LRRC8C: variants seen among roughly 807,000 people sequenced by gnomAD.
LRRC8C encodes volume-regulated anion channel subunit LRRC8C.
A neutral mutation model predicts 55.3 loss-of-function variants in LRRC8C; 20 were observed. That is an observed-to-expected ratio of 0.36 (90% CI 0.25 to 0.53). The LOEUF (loss-of-function observed/expected upper bound fraction) is 0.53. Ranked by LOEUF, LRRC8C falls within the 20% of genes least tolerant of loss-of-function variation. The pLI, the probability that LRRC8C is intolerant of heterozygous loss-of-function variation, is 0.92. For synonymous variants in LRRC8C, 376 were observed against 360.7 expected (o/e 1.04, Z -0.48); for missense variants, 659 against 951.4 (o/e 0.69, Z 4.04).
intron 1 of LRRC8C, among the ~76,000 whole-genome samples, chr1:89,635,148 C>T (rs957539661): frequency 1.3e-5 from 2 of 152,066 alleles, no homozygotes; most frequent in African/African-American, 2.4e-5. Context: ...GAAAATGTTG[C>T]ACTTTATTTC....
In LRRC8C at chr1:89,696,339, C is replaced by T. The variant is rs552905704; in HGVS notation, c.138+9728C>T. ...CTTTGCCTAAGCTCTGAAAAATCTA[C>T]GTACCTGCAAAAAAAGTGGGGGTGT... On this transcript the variant is annotated intron_variant, in intron 2 of 2. Transcript: ENST00000370454. Among the ~76,000 whole-genome samples the T allele has an allele frequency of 6.4e-4, 98 of 152,194 alleles. 1 individual carries two copies. In the Middle Eastern group the frequency reaches 0.01, roughly 16 times the overall value.
rs767472923 is a variant in LRRC8C at position 89,678,405 on chromosome 1, A to G, written c.-4-8065A>G. On this transcript the variant is annotated intron_variant, in intron 1 of 2. Coordinates refer to ENST00000370454, the MANE Select transcript of LRRC8C (RefSeq NM_032270.5). ...TCTTGTGGAAGTAGAGATGCAATACATCAAGAAACACAAGGCCGGGCATGG... is the reference window on the plus strand; with the variant it reads ...TCTTGTGGAAGTAGAGATGCAATACGTCAAGAAACACAAGGCCGGGCATGG... 1.7e-3 allele frequency among the ~76,000 whole-genome samples: 257 copies of G among 152,368 alleles called. 1 individual carries two copies. The highest frequency in any genetic ancestry group is 2.4e-3 in the Non-Finnish European group (161 of 68,040).
chr1:89,635,061 C>G (rs1656239825), intron 1 of LRRC8C, among the ~76,000 whole-genome samples: 1 of 152,106 alleles, frequency 6.6e-6, no homozygotes, highest in Non-Finnish European at 1.5e-5. Context: ...TCAGATTAAG[C>G]ACTTTAATGA....
At chr1:89,636,424 G>A (rs771230722) in intron 1 of LRRC8C, among the ~76,000 whole-genome samples, 3 of 152,148 alleles carry the variant, frequency 2.0e-5, no homozygotes, top group Non-Finnish European at 2.9e-5. Flanking sequence ...GTTGTCTTGA[G>A]TCAGAAACAT....
At chr1:89,706,647 C>G (rs1658489743) in intron 2 of LRRC8C, among the ~76,000 whole-genome samples, 2 of 152,158 alleles carry the variant, frequency 1.3e-5, no homozygotes, top group African/African-American at 4.8e-5. Flanking sequence ...CAGTGCATCT[C>G]TAAATCTGAT....
At chr1:89,696,550 A>G (rs887749337) in intron 2 of LRRC8C, among the ~76,000 whole-genome samples, 4 of 152,152 alleles carry the variant, frequency 2.6e-5, no homozygotes, top group African/African-American at 9.7e-5. Context: ...GATTCTTCCT[A>G]AAGGTCATCT....
At position 89,719,164 on chromosome 1, in the gene LRRC8C, G is replaced by T. The variant is rs891006535; in HGVS notation, c.*4182G>T. The stretch of plus-strand genomic sequence containing the variant: ...TTTATCAGAATACCTTGAAAGGGGG[G>T]TATATAAATTTGGAAAACTTAATTT... On this transcript the variant is annotated 3_prime_UTR_variant, in exon 3 of 3. Transcript: ENST00000370454. The T allele has an allele frequency of 6.6e-6, 1 of 152,150 alleles. No individual in the cohort carries two copies. Among genetic ancestry groups the T allele is most frequent in the Non-Finnish European group, 1.5e-5 (1 of 68,010 alleles). The allele number at this position is 152,150 out of a possible 1,614,324, so 9.4% of individuals were successfully genotyped here. A position where few individuals can be genotyped will look rare whatever the true frequency, so the allele number is the denominator to read the frequency against.
At chr1:89,623,274 T>A in the LRRC8C span, among the ~76,000 whole-genome samples, 1 of 152,198 alleles carries the variant, frequency 6.6e-6, no homozygotes, top group Non-Finnish European at 1.5e-5. Context: ...TAAAATAGAA[T>A]ATAAAATATT....
chr1:89,662,341 G>C (rs1238434656), intron 1 of LRRC8C, among the ~76,000 whole-genome samples: 1 of 152,136 alleles, frequency 6.6e-6, no homozygotes, highest in Non-Finnish European at 1.5e-5. Flanking sequence ...GACTGGTGTG[G>C]GGTGGGAGTG....
chr1:89,651,062 C>T (rs1656760527), intron 1 of LRRC8C, among the ~76,000 whole-genome samples: 6 of 152,106 alleles, frequency 3.9e-5, no homozygotes, highest in Admixed American at 3.9e-4. Flanking sequence ...GTAACAATAG[C>T]ATATATGCCA....
chr1:89,711,320 C>T (rs1658642333), intron 2 of LRRC8C, among the ~76,000 whole-genome samples: 1 of 152,230 alleles, frequency 6.6e-6, no homozygotes, highest in African/African-American at 2.4e-5. Flanking sequence ...AGCTCGTGGT[C>T]ACCTTACTAT....
intron 2 of LRRC8C, chr1:89,706,167 T>C (rs1045665291): frequency 8.6e-6 from 3 of 349,592 alleles, no homozygotes; most frequent in East Asian, 8.1e-5. Context: ...ATCCCAAATA[T>C]AACAACTGAC....
At chr1:89,670,214 G>A (rs911354039) in intron 1 of LRRC8C, among the ~76,000 whole-genome samples, 7 of 151,980 alleles carry the variant, frequency 4.6e-5, no homozygotes, top group South Asian at 2.1e-4. Context: ...TATTTAATCC[G>A]TTTACATGCT....
At chr1:89,620,995 G>A in the LRRC8C span, among the ~76,000 whole-genome samples, 1 of 152,114 alleles carries the variant, frequency 6.6e-6, no homozygotes, top group East Asian at 1.9e-4. Context: ...ATTTGTCTTC[G>A]GTAGCCAGGA....
At chr1:89,686,914 A>G (rs1402263653) in intron 2 of LRRC8C, among the ~76,000 whole-genome samples, 1 of 152,246 alleles carries the variant, frequency 6.6e-6, no homozygotes, top group Non-Finnish European at 1.5e-5. Flanking sequence ...TCACAGTGAA[A>G]TGTAACATAT....
At chr1:89,661,691 A>G (rs927929899) in intron 1 of LRRC8C, among the ~76,000 whole-genome samples, 3 of 152,216 alleles carry the variant, frequency 2.0e-5, no homozygotes, top group African/African-American at 7.2e-5. Context: ...CTTGCATTCA[A>G]GTGGGAGGAG....
intron 2 of LRRC8C, among the ~76,000 whole-genome samples, chr1:89,708,005 A>G (rs1658533686): frequency 6.6e-6 from 1 of 152,122 alleles, no homozygotes; most frequent in African/African-American, 2.4e-5. Context: ...GAGAATTCTT[A>G]TAGCAGCTTT....
chr1:89,638,570 G>C (rs1656359697), intron 1 of LRRC8C, among the ~76,000 whole-genome samples: 1 of 152,056 alleles, frequency 6.6e-6, no homozygotes, highest in Admixed American at 6.6e-5. Flanking sequence ...ATGAAAAATA[G>C]TCAACATATC....
At chr1:89,636,421 T>C (rs749616960) in intron 1 of LRRC8C, among the ~76,000 whole-genome samples, 2 of 152,260 alleles carry the variant, frequency 1.3e-5, no homozygotes, top group Non-Finnish European at 2.9e-5. Context: ...TTTGTTGTCT[T>C]GAGTCAGAAA....
Sources: gnomAD v4.1 joint callset for allele counts (sites outside exome capture counted in the v4.1 genomes callset) on GRCh38, gnomAD v4.1.1 for gene constraint, MANE v1.5 for transcripts, NCBI Gene and HGNC (gene_info 2026-07-23, HGNC 2026-07-21) for gene names.